The following NFIB variants were observed in gnomAD, a reference collection of about 807,000 sequenced individuals.
NFIB encodes nuclear factor 1 B-type.
Under a neutral mutation model 61.5 loss-of-function variants are expected in NFIB, and 11 were observed. The ratio of observed to expected loss-of-function variants is 0.18; its 90% CI spans 0.11 to 0.30. NFIB has a LOEUF of 0.30. NFIB is among the 10% of genes least tolerant of loss of function. The pLI is 1.00. For synonymous variants in NFIB, 260 were observed against 216.5 expected, an observed-to-expected ratio of 1.20 and a Z score of -1.76; for missense variants, 471 against 608.9, an observed-to-expected ratio of 0.77 and a Z score of 2.38.
chr9:14,470,685 C>T, the NFIB span, among the ~76,000 whole-genome samples: 904 of 152,224 alleles, frequency 5.9e-3, 12 homozygotes, highest in Middle Eastern at 0.048. Context: ...AGTATAAATT[C>T]GAGACCACAT....
At chr9:14,321,472 C>A (rs1158203638) in intron 1 of NFIB, among the ~76,000 whole-genome samples, 1 of 152,152 alleles carries the variant, frequency 6.6e-6, no homozygotes, top group Non-Finnish European at 1.5e-5. Flanking sequence ...AATAGTACTT[C>A]TTTCACTTAA....
chr9:14,504,587 G>C, the NFIB span, among the ~76,000 whole-genome samples: 1 of 151,882 alleles, frequency 6.6e-6, no homozygotes, highest in East Asian at 1.9e-4. Flanking sequence ...TTATTTTTTT[G>C]CAGCTATTAT....
intron 2 of NFIB, among the ~76,000 whole-genome samples, chr9:14,282,874 C>T (rs2132449895): frequency 6.6e-6 from 1 of 152,312 alleles, no homozygotes; most frequent in African/African-American, 2.4e-5. Flanking sequence ...TCGGTCATGA[C>T]TGGCTCTCTC....
chr9:14,363,780 C>CA (rs113318544), intron 1 of NFIB, among the ~76,000 whole-genome samples: 3 of 151,884 alleles, frequency 2.0e-5, no homozygotes, highest in South Asian at 2.1e-4. Flanking sequence ...ACTTATTTTA[C>CA]AAAAAAATGG....
Position 14,232,308 on chromosome 9 carries a change from G to C in NFIB, c.563-52528C>G, listed in dbSNP as rs867879493. ...TGAGACCCCGTAAAGCATCTGCTTAGGGATTACGACCCCGTCACACTGGGA... is the reference window on the plus strand; with the variant it reads ...TGAGACCCCGTAAAGCATCTGCTTACGGATTACGACCCCGTCACACTGGGA... On this transcript the variant is annotated intron_variant, in intron 2 of 10. Transcript: ENST00000380953. 2.0e-5 allele frequency among the ~76,000 whole-genome samples: 3 copies of C among 152,284 alleles called. No homozygotes were observed. In the South Asian group the frequency reaches 6.2e-4, roughly 32 times the overall value.
At chr9:14,391,336 C>CG (rs2061618586) in intron 1 of NFIB, among the ~76,000 whole-genome samples, 1 of 6,054 alleles carries the variant, frequency 1.7e-4, no homozygotes, top group Non-Finnish European at 3.2e-4. Flanking sequence ...GAGATGCCCC[C>CG]CCCCCACCCC....
chr9:14,216,540 CTCCCTCTGTGTGTGTGTGTG>C (rs1223862353), intron 2 of NFIB, among the ~76,000 whole-genome samples: 24 of 29,378 alleles, frequency 8.2e-4, no homozygotes, highest in African/African-American at 3.0e-3. Context: ...CTCTCTCTCT[CTCCCTCTGTGTGTGTGTGTG>C]TGTGTGTGTG....
chr9:14,267,427 G>A (rs1414417962), intron 2 of NFIB, among the ~76,000 whole-genome samples: 1 of 151,918 alleles, frequency 6.6e-6, no homozygotes, highest in African/African-American at 2.4e-5. Flanking sequence ...TGGCTCAAAG[G>A]GCCTTTTAAC....
At chr9:14,296,596 G>A (rs1014771102) in intron 2 of NFIB, among the ~76,000 whole-genome samples, 5 of 152,194 alleles carry the variant, frequency 3.3e-5, no homozygotes, top group African/African-American at 1.2e-4. Flanking sequence ...ATCCCAGAGA[G>A]CTCTCACTCT....
the NFIB span, among the ~76,000 whole-genome samples, chr9:14,467,173 T>C: frequency 3.9e-5 from 6 of 152,140 alleles, no homozygotes; most frequent in Admixed American, 6.5e-5. Context: ...CCAAATAGAG[T>C]TCATCATTTG....
chr9:14,346,971 G>C (rs1289314713), intron 1 of NFIB, among the ~76,000 whole-genome samples: 1 of 151,918 alleles, frequency 6.6e-6, no homozygotes, highest in East Asian at 2.0e-4. Context: ...GCACGAATTA[G>C]CCTCACAACA....
intron 2 of NFIB, among the ~76,000 whole-genome samples, chr9:14,292,676 G>A (rs1220116703): frequency 6.6e-6 from 1 of 152,150 alleles, no homozygotes; most frequent in Non-Finnish European, 1.5e-5. Context: ...GACCAGCAAT[G>A]TTTTTCTCTT....
the NFIB span, among the ~76,000 whole-genome samples, chr9:14,517,700 A>G: frequency 1.3e-5 from 2 of 151,996 alleles, no homozygotes; most frequent in African/African-American, 4.8e-5. Context: ...TTCTTTCTTT[A>G]CATCAGTCAG....
At chr9:14,345,504 G>A (rs868853876) in intron 1 of NFIB, among the ~76,000 whole-genome samples, 3 of 152,190 alleles carry the variant, frequency 2.0e-5, no homozygotes, top group Non-Finnish European at 2.9e-5. Context: ...GAGGCTATGC[G>A]AAAGGTGCAG....
intron 1 of NFIB, among the ~76,000 whole-genome samples, chr9:14,391,375 C>A (rs2133032897): frequency 6.8e-6 from 1 of 148,060 alleles, no homozygotes. Flanking sequence ...GTCAGGTGAC[C>A]ATTAGGTGAT....
chr9:14,216,736 T>C (rs1304353081), intron 2 of NFIB, among the ~76,000 whole-genome samples: 2 of 152,170 alleles, frequency 1.3e-5, no homozygotes, highest in African/African-American at 4.8e-5. Flanking sequence ...TTCAATTCCA[T>C]CTTTCTCATG....
intron 2 of NFIB, among the ~76,000 whole-genome samples, chr9:14,240,553 T>C (rs925246608): frequency 6.6e-6 from 1 of 152,188 alleles, no homozygotes; most frequent in Non-Finnish European, 1.5e-5. Context: ...ACAGCTTCAC[T>C]TGTTTATAGA....
chr9:14,304,985 A>G lies in NFIB; in HGVS notation c.562+2004T>C, dbSNP rs535344840. Among the ~76,000 whole-genome samples, 873 of 152,354 alleles carry G rather than the reference A, an allele frequency of 5.7e-3. 10 individuals carry two copies. The highest frequency in any genetic ancestry group is 8.3e-3 in the Non-Finnish European group (564 of 68,032). On this transcript the variant is annotated intron_variant, in intron 2 of 10. Coordinates refer to ENST00000380953, the MANE Select transcript of NFIB (RefSeq NM_001190737.2). ...AGGTAGCAGAGGATACAAGTTATAT[A>G]CACAAGATAAAATAATGAAAAGTTC...
chr9:14,229,125 AT>A (rs2052805173), intron 2 of NFIB, among the ~76,000 whole-genome samples: 1 of 152,230 alleles, frequency 6.6e-6, no homozygotes, highest in Non-Finnish European at 1.5e-5. Context: ...ATACGATTTC[AT>A]TTTATAATAT....
Sources: gnomAD v4.1 joint callset for allele counts (sites outside exome capture counted in the v4.1 genomes callset) on GRCh38, gnomAD v4.1.1 for gene constraint, MANE v1.5 for transcripts, NCBI Gene and HGNC (gene_info 2026-07-23, HGNC 2026-07-21) for gene names.